ALG10B: variants seen among roughly 807,000 people sequenced by gnomAD.
The protein encoded by ALG10B is ALG10 alpha-1,2-glucosyltransferase B.
Under a neutral mutation model 38.7 loss-of-function variants are expected in ALG10B, and 27 were observed. The observed-to-expected ratio is 0.70, with a 90% CI of 0.51 to 0.96. The LOEUF is 0.96. Among genes scored for constraint, ALG10B ranks in the 40% least tolerant of loss-of-function variants. The pLI, the probability that ALG10B is intolerant of heterozygous loss-of-function variation, is 0.00. For missense variants in ALG10B, 522 were observed against 542.7 expected (o/e 0.96, Z 0.38); for synonymous variants, 177 against 193.3 (o/e 0.92, Z 0.70).
rs777249616 is a variant in ALG10B, at chr12:38,318,413, C to G, written c.324C>G (p.Phe108Leu). ...ATCTTCTCTTCAGTGTTGGCAACTT[C>G]TATTTACTATATTTGCTTTTCCACA... ...FVNLLFSVGN[F>L]YLLYLLFHKV... The change falls in exon 2 of 3, where the codon TTC becomes TTG. Residue 108 changes from phenylalanine to leucine, a missense_variant. By Grantham distance (22) the Phe-to-Leu change is conservative. Transcript: ENST00000308742. 3.7e-6 allele frequency: 6 copies of G among 1,614,134 alleles called. No individual in the cohort carries two copies. The highest frequency in any genetic ancestry group is 5.1e-6 in the Non-Finnish European group (6 of 1,180,020).
chr12:38,316,933 A>C lies in ALG10B; in HGVS notation c.40A>C (p.Ser14Arg). Residue 14 changes from serine (S) to arginine (R), a missense_variant, in exon 1 of 3, where the codon AGC becomes CGC. Ser to Arg is a moderately radical substitution (Grantham distance 110). Transcript: ENST00000308742. ...GGGTTACTGTTTCTCGGCCGCCTTGAGCTGTACCTTTTTAGTGTCCTGCCT... is the reference window on the plus strand; with the variant it reads ...GGGTTACTGTTTCTCGGCCGCCTTGCGCTGTACCTTTTTAGTGTCCTGCCT... ...LEGYCFSAAL[S>R]CTFLVSCLLF... is the part of the protein sequence containing the mutation. 6.2e-7 allele frequency: 1 copy of C among 1,614,056 alleles called. No homozygotes were observed. The highest frequency in any genetic ancestry group is 1.1e-5 in the South Asian group (1 of 91,078).
rs550986266 is a variant in ALG10B at position 38,327,953 on chromosome 12, G to A, written c.*6740G>A. ...TGGACTTAATTCTGTATTGCCTGAA[G>A]TGTAAATCAGAGGTCAACAATTAGA... is the stretch of plus-strand genomic sequence containing the variant. On this transcript the variant is annotated 3_prime_UTR_variant, in exon 3 of 3. Transcript: ENST00000308742. 5 of 152,268 alleles carry A rather than the reference G, an allele frequency of 3.3e-5. No individual in the cohort carries two copies. The South Asian group carries it at 8.3e-4, about 25-fold the overall frequency. The allele number at this position is 152,268 out of a possible 1,614,324, so 9.4% of individuals were successfully genotyped here. A position where few individuals can be genotyped will look rare whatever the true frequency, so the allele number is the denominator to read the frequency against.
chr12:38,327,000 A>T lies in ALG10B; in HGVS notation c.*5787A>T, dbSNP rs1945749870. The T allele has an allele frequency of 6.7e-6, 1 of 149,830 alleles. No individual in the cohort carries two copies. The highest frequency in any genetic ancestry group is 2.1e-4 in the South Asian group (1 of 4,818). The allele number at this position is 149,830 out of a possible 1,614,324, so 9.3% of individuals were successfully genotyped here. On this transcript the variant is annotated 3_prime_UTR_variant, in exon 3 of 3. Coordinates refer to ENST00000308742, the MANE Select transcript of ALG10B (RefSeq NM_001013620.4). ...CCATCAGACCAAAAGACAATACAGT[A>T]TTTTTCTAACAAGGAAAAGAAAATA... is the stretch of plus-strand genomic sequence containing the variant.
Position 38,320,537 on chromosome 12 carries a change from T to A in ALG10B, c.746T>A (p.Met249Lys). Residue 249 changes from methionine to lysine, a missense_variant, in exon 3 of 3, where the codon ATG becomes AAG. Transcript: ENST00000308742. The stretch of plus-strand genomic sequence containing the variant: ...TCCATGTCCTTTAAAAACTTGAGTA[T>A]GCTTTTCTGTTTGACTTGGCCCTAC... Reference protein sequence around the residue: ...AYSMSFKNLSMLFCLTWPYIL... With the variant: ...AYSMSFKNLSKLFCLTWPYIL... 1 of 1,614,142 alleles carries A rather than the reference T, an allele frequency of 6.2e-7. No individual in the cohort carries two copies. The highest frequency in any genetic ancestry group is 8.5e-7 in the Non-Finnish European group (1 of 1,180,000).
At position 38,320,720 on chromosome 12, in the gene ALG10B, G is replaced by A. The variant is rs757387564; in HGVS notation, c.929G>A (p.Ser310Asn). 1.7e-5 allele frequency: 27 copies of A among 1,613,416 alleles called. No individual in the cohort carries two copies. In the Admixed American group the frequency reaches 4.5e-4, roughly 27 times the overall value. Residue 310 changes from serine (S) to asparagine (N), a missense_variant, in exon 3 of 3, where the codon AGC becomes AAC. Transcript: ENST00000308742. ...FFSFPHLLSP[S>N]KIKTFLSLVW... ...TCTTTTCCTCATCTCCTGTCTCCTA[G>A]CAAAATTAAGACTTTTCTTTCCTTA...
rs1189110980 is a variant in ALG10B, at chr12:38,329,346, C to G, written c.*8133C>G. The G allele has an allele frequency of 5.0e-6, 2 of 396,588 alleles. No individual in the cohort carries two copies. Among genetic ancestry groups the G allele is most frequent in the Non-Finnish European group, 8.9e-6 (2 of 225,160 alleles). 24.6% of individuals were successfully genotyped at this position (396,588 alleles called of 1,614,324 possible). A position where few individuals can be genotyped will look rare whatever the true frequency, so the allele number is the denominator to read the frequency against. On this transcript the variant is annotated 3_prime_UTR_variant, in exon 3 of 3. Transcript: ENST00000308742. The stretch of plus-strand genomic sequence containing the variant: ...ATATTAACATACATTGACATAAAGA[C>G]CTTTGTTTTAATATGAATGATTCCA...
chr12:38,326,720 G>T lies in ALG10B; in HGVS notation c.*5507G>T, dbSNP rs901293999. ...TATTTTTTATATAGGGCATTTTTAT[G>T]TATTTAATGTTGACAACTGACGTTT... is the stretch of plus-strand genomic sequence containing the variant. On this transcript the variant is annotated 3_prime_UTR_variant, in exon 3 of 3. Transcript: ENST00000308742. The T allele has an allele frequency of 6.6e-6, 1 of 151,670 alleles. No individual in the cohort carries two copies. Among genetic ancestry groups the T allele is most frequent in the Non-Finnish European group, 1.5e-5 (1 of 67,902 alleles). The allele number at this position is 151,670 out of a possible 1,614,324, so 9.4% of individuals were successfully genotyped here.
At position 38,329,459 on chromosome 12, in the gene ALG10B, AG is replaced by A; in HGVS notation, c.*8248del. 8.4e-6 allele frequency: 3 copies of A among 358,094 alleles called. No individual in the cohort carries two copies. The highest frequency in any genetic ancestry group is 1.5e-5 in the Non-Finnish European group (3 of 204,772). The allele number at this position is 358,094 out of a possible 1,614,324, so 22.2% of individuals were successfully genotyped here. ...TTTGGAAGCAAATTGTTGGTTTAAC[AG>A]GACATACTTTAGATATTTGAAAAAT... On this transcript the variant is annotated 3_prime_UTR_variant, in exon 3 of 3. Transcript: ENST00000308742.
chr12:38,327,951 A>T lies in ALG10B; in HGVS notation c.*6738A>T, dbSNP rs1179001403. The T allele has an allele frequency of 2.0e-5, 3 of 152,230 alleles. No individual in the cohort carries two copies. The highest frequency in any genetic ancestry group is 7.2e-5 in the African/African-American group (3 of 41,456). The allele number at this position is 152,230 out of a possible 1,614,324, so 9.4% of individuals were successfully genotyped here. A position where few individuals can be genotyped will look rare whatever the true frequency, so the allele number is the denominator to read the frequency against. ...ATTGGACTTAATTCTGTATTGCCTG[A>T]AGTGTAAATCAGAGGTCAACAATTA... On this transcript the variant is annotated 3_prime_UTR_variant, in exon 3 of 3. Coordinates refer to ENST00000308742, the MANE Select transcript of ALG10B (RefSeq NM_001013620.4).
chr12:38,317,844 A>G (rs1945668731), intron 1 of ALG10B: 1 of 285,990 alleles, frequency 3.5e-6, no homozygotes, highest in Non-Finnish European at 6.8e-6. Flanking sequence ...ATGTTACAAT[A>G]CAGAGGGTTT....
rs1268844712 is a variant in ALG10B, at chr12:38,325,678, CATT to C, written c.*4466_*4468del. ...GGAACTGTGGGCTTGTAGAAAAAAA[CATT>C]TAACATGGGAGTTAAGATTTTTATA... On this transcript the variant is annotated 3_prime_UTR_variant, in exon 3 of 3. Transcript: ENST00000308742. 1 of 152,004 alleles carries C rather than the reference CATT, an allele frequency of 6.6e-6. No individual in the cohort carries two copies. Among genetic ancestry groups the C allele is most frequent in the Admixed American group, 6.6e-5 (1 of 15,258 alleles). 9.4% of individuals were successfully genotyped at this position (152,004 alleles called of 1,614,324 possible). A position where few individuals can be genotyped will look rare whatever the true frequency, so the allele number is the denominator to read the frequency against.
At position 38,321,058 on chromosome 12, in the gene ALG10B, G is replaced by A. The variant is rs905309907; in HGVS notation, c.1267G>A (p.Val423Ile). The A allele has an allele frequency of 6.2e-7, 1 of 1,613,576 alleles. No individual in the cohort carries two copies. Among genetic ancestry groups the A allele is most frequent in the Non-Finnish European group, 8.5e-7 (1 of 1,179,800 alleles). Residue 423 changes from valine to isoleucine, a missense_variant, in exon 3 of 3, where the codon GTC (valine) becomes ATC (isoleucine). Val to Ile is a conservative substitution (Grantham distance 29). Coordinates refer to ENST00000308742, the MANE Select transcript of ALG10B (RefSeq NM_001013620.4). The part of the protein sequence containing the change: ...LEFRYFILPY[V>I]IYRLNITLPP... ...ATTTCGTTACTTCATTTTACCTTAT[G>A]TCATTTATAGGCTTAACATAACTCT... is the stretch of plus-strand genomic sequence containing the variant.
In ALG10B at chr12:38,316,986, G is replaced by T; in HGVS notation, c.93G>T (p.Leu31=). The T allele has an allele frequency of 6.2e-7, 1 of 1,614,106 alleles. No individual in the cohort carries two copies. The highest frequency in any genetic ancestry group is 8.5e-7 in the Non-Finnish European group (1 of 1,180,028). ...CLLFSAFSRA[L]REPYMDEIFH... ...TCTTCTCCGCCTTCAGCCGGGCGCT[G>T]CGAGAGCCCTACATGGACGAGATCT... The change falls in exon 1 of 3, where the codon CTG becomes CTT. Residue 31 remains leucine, a synonymous_variant. Transcript: ENST00000308742.
At position 38,316,927 on chromosome 12, in the gene ALG10B, G is replaced by T. The variant is rs754460276; in HGVS notation, c.34G>T (p.Ala12Ser). The change falls in exon 1 of 3, where the codon GCC (alanine) becomes TCC (serine). Residue 12 changes from alanine to serine, a missense_variant. Physicochemically the swap from Ala to Ser is moderately conservative, Grantham distance 99. Coordinates refer to ENST00000308742, the MANE Select transcript of ALG10B (RefSeq NM_001013620.4). ...GCTAGAGGGTTACTGTTTCTCGGCC[G>T]CCTTGAGCTGTACCTTTTTAGTGTC... is the stretch of plus-strand genomic sequence containing the variant. ...AQLEGYCFSA[A>S]LSCTFLVSCL... The T allele has an allele frequency of 6.2e-7, 1 of 1,614,050 alleles. No homozygotes were observed. Among genetic ancestry groups the T allele is most frequent in the East Asian group, 2.2e-5 (1 of 44,884 alleles).
rs528498554 is a variant in ALG10B, at chr12:38,318,534, T to G, written c.369+76T>G. The G allele has an allele frequency of 3.8e-5, 56 of 1,458,308 alleles. No individual in the cohort carries two copies. The East Asian group carries it at 1.2e-3, about 32-fold the overall frequency. 90.3% of individuals were successfully genotyped at this position (1,458,308 alleles called of 1,614,324 possible). ...TTACAATGAATTAGTTTTATGAGAT[T>G]TGGTGAAAAATGTCTTTAACACTTT... On this transcript the variant is annotated intron_variant, in intron 2 of 2. Coordinates refer to ENST00000308742, the MANE Select transcript of ALG10B (RefSeq NM_001013620.4).
intron 1 of ALG10B, chr12:38,317,486 C>T (rs12579207): frequency 0.051 from 9,500 of 187,648 alleles, 817 homozygotes; most frequent in East Asian, 0.41. Flanking sequence ...GGATCTTCGG[C>T]TACCAAAAAG....
chr12:38,327,546 GC>G lies in ALG10B; in HGVS notation c.*6336del, dbSNP rs1211731912. The G allele has an allele frequency of 3.9e-5, 6 of 152,072 alleles. No individual in the cohort carries two copies. The highest frequency in any genetic ancestry group is 3.9e-4 in the Admixed American group (6 of 15,264). The allele number at this position is 152,072 out of a possible 1,614,324, so 9.4% of individuals were successfully genotyped here. On this transcript the variant is annotated 3_prime_UTR_variant, in exon 3 of 3. Transcript: ENST00000308742. The stretch of plus-strand genomic sequence containing the variant: ...GAAGGTCGGTCAGGTCAGGTGATTT[GC>G]CCAAAGTCCACACTGTCACTAAATG...
At chr12:38,319,550 CT>C (rs1565603869) in intron 2 of ALG10B, among the ~76,000 whole-genome samples, 2 of 152,092 alleles carry the variant, frequency 1.3e-5, no homozygotes, top group Non-Finnish European at 2.9e-5. Flanking sequence ...CATAAGAACA[CT>C]TTCAAATTCT....
Position 38,323,599 on chromosome 12 carries a change from T to C in ALG10B, c.*2386T>C. 1 of 312,674 alleles carries C rather than the reference T, an allele frequency of 3.2e-6. No homozygotes were observed. Among genetic ancestry groups the C allele is most frequent in the East Asian group, 6.2e-5 (1 of 16,254 alleles). 19.4% of individuals were successfully genotyped at this position (312,674 alleles called of 1,614,324 possible). ...TGAGTTTTAAGTGATGAGTCTACATTTACAAATATAAAATTGTGTGCAGGT... is the reference window on the plus strand; with the variant it reads ...TGAGTTTTAAGTGATGAGTCTACATCTACAAATATAAAATTGTGTGCAGGT... On this transcript the variant is annotated 3_prime_UTR_variant, in exon 3 of 3. Transcript: ENST00000308742.
Sources: gnomAD v4.1 joint callset for allele counts (sites outside exome capture counted in the v4.1 genomes callset) on GRCh38, gnomAD v4.1.1 for gene constraint, MANE v1.5 for transcripts, NCBI Gene and HGNC (gene_info 2026-07-23, HGNC 2026-07-21) for gene names.